The following AP4M1 variants were observed in gnomAD, a reference collection of about 807,000 sequenced individuals.
AP4M1 encodes the protein AP-4 complex subunit mu-1.
In AP4M1, 58 loss-of-function variants were observed where a neutral mutation model predicts 62.4. The ratio of observed to expected loss-of-function variants is 0.93; its 90% CI spans 0.75 to 1.16. AP4M1 has a LOEUF of 1.16. Among genes scored for constraint, AP4M1 ranks in the 50% most tolerant of loss-of-function variants. The pLI, the probability that AP4M1 is intolerant of heterozygous loss-of-function variation, is 0.00. For missense variants in AP4M1, 626 were observed against 585.4 expected (o/e 1.07, Z -0.72); for synonymous variants, 290 against 239.7 (o/e 1.21, Z -1.94).
upstream of AP4M1, chr7:100,100,921 A>G: frequency 9.5e-7 from 1 of 1,051,878 alleles, no homozygotes; most frequent in South Asian, 3.6e-5. Context: ...AGCGCGAAGG[A>G]AAGCGGGCAC....
At chr7:100,102,027 G>C (rs770716053) in intron 2 of AP4M1, 59 bp downstream of exon 2, 3 of 1,582,494 alleles carry the variant, frequency 1.9e-6, no homozygotes, top group South Asian at 2.2e-5. Flanking sequence ...GTGGGCGCCA[G>C]CTCCCTCCCA....
chr7:100,105,707 G>C (rs576226677), intron 11 of AP4M1, among the ~76,000 whole-genome samples, 168 bp downstream of exon 11: 1 of 152,208 alleles, frequency 6.6e-6, no homozygotes, highest in South Asian at 2.1e-4. Flanking sequence ...AGCACTTTGG[G>C]AGGCTGAGGC....
chr7:100,108,872 A>C lies in AP4M1; in HGVS notation c.*1990A>C. The stretch of plus-strand genomic sequence containing the variant: ...AACCTCATCTCCACTAAAAATACAA[A>C]AACTAGCCAGGCATGGTGGCACGCA... On this transcript the variant is annotated 3_prime_UTR_variant, in exon 15 of 15. Transcript: ENST00000359593. The C allele has an allele frequency of 4.9e-6, 1 of 202,076 alleles. No homozygotes were observed. Among genetic ancestry groups the C allele is most frequent in the Non-Finnish European group, 1.0e-5 (1 of 99,724 alleles). 12.5% of individuals were successfully genotyped at this position (202,076 alleles called of 1,614,324 possible).
At chr7:100,100,882 G>T (rs1234179558), upstream of AP4M1, 5 of 1,051,988 alleles carry the variant, frequency 4.8e-6, no homozygotes, top group African/African-American at 3.4e-5. Context: ...CGCGCCTGGG[G>T]AGGGCGCGGG....
upstream of AP4M1, chr7:100,101,642 T>C (rs1048568919): frequency 9.6e-6 from 14 of 1,457,798 alleles, no homozygotes; most frequent in African/African-American, 2.0e-4. Flanking sequence ...GCACACGCGT[T>C]CTTTTGTTCC....
At chr7:100,106,063 C>T (rs1011647161) in intron 12 of AP4M1, 60 bp downstream of exon 12, 6 of 1,593,522 alleles carry the variant, frequency 3.8e-6, no homozygotes, top group Admixed American at 3.3e-5. Flanking sequence ...AGGGCCAGGG[C>T]ACCTGCTGCT....
At chr7:100,101,797 A>C (rs770385161) in intron 1 of AP4M1, 25 bp downstream of exon 1, 1 of 1,226,630 alleles carries the variant, frequency 8.2e-7, no homozygotes, top group East Asian at 2.8e-5. Context: ...TGGGGCTGGG[A>C]AGGGGCGGAG....
In AP4M1 at chr7:100,104,077, C is replaced by T. The variant is rs1456329778; in HGVS notation, c.544-15C>T. 6.2e-7 allele frequency: 1 copy of T among 1,613,316 alleles called. No individual in the cohort carries two copies. Among genetic ancestry groups the T allele is most frequent in the Non-Finnish European group, 8.5e-7 (1 of 1,179,408 alleles). Reference sequence around the variant, plus strand: ...TATTCTGCTTCCAACCACCCAAATTCTCTCTCTTTCTCAGAGCCAAAAGAA... The same window carrying T: ...TATTCTGCTTCCAACCACCCAAATTTTCTCTCTTTCTCAGAGCCAAAAGAA... On this transcript the variant is annotated splice_polypyrimidine_tract_variant and intron_variant, in intron 6 of 14. Transcript: ENST00000359593.
Position 100,108,342 on chromosome 7 carries a change from T to G in AP4M1, c.*1460T>G. ...GGGGTTCTCCTCTGCTTCCTCCTATTCCTCCTCCCCACCCGGCCACGGACC... is the reference window on the plus strand; with the variant it reads ...GGGGTTCTCCTCTGCTTCCTCCTATGCCTCCTCCCCACCCGGCCACGGACC... On this transcript the variant is annotated 3_prime_UTR_variant, in exon 15 of 15. Coordinates refer to ENST00000359593, the MANE Select transcript of AP4M1 (RefSeq NM_004722.4). 6.3e-7 allele frequency: 1 copy of G among 1,582,722 alleles called. No homozygotes were observed. Among genetic ancestry groups the G allele is most frequent in the Non-Finnish European group, 8.6e-7 (1 of 1,161,802 alleles).
chr7:100,107,835 G>C lies in AP4M1; in HGVS notation c.*953G>C. On this transcript the variant is annotated 3_prime_UTR_variant, in exon 15 of 15. Transcript: ENST00000359593. Reference sequence around the variant, plus strand: ...CTTCCAGCTCTTGACTTGGGGCCCAGAGGGGACTGTGCTCTACTCCTGGGC... The same window carrying C: ...CTTCCAGCTCTTGACTTGGGGCCCACAGGGGACTGTGCTCTACTCCTGGGC... 6.8e-7 allele frequency: 1 copy of C among 1,479,148 alleles called. No individual in the cohort carries two copies. The highest frequency in any genetic ancestry group is 2.3e-5 in the East Asian group (1 of 43,222). The allele number at this position is 1,479,148 out of a possible 1,614,324, so 91.6% of individuals were successfully genotyped here.
At chr7:100,104,839 A>T (rs548733667) in intron 7 of AP4M1, 35 bp from the exon 8 acceptor site, 45 of 1,613,446 alleles carry the variant, frequency 2.8e-5, no homozygotes, top group Admixed American at 1.7e-4. Flanking sequence ...AAAGAAAGAA[A>T]AAAAGACTCT....
At chr7:100,106,573 A>AC in intron 14 of AP4M1, 59 bp downstream of exon 14, 13 of 503,010 alleles carry the variant, frequency 2.6e-5, no homozygotes, top group South Asian at 1.6e-4. Context: ...CCCCCACCCC[A>AC]CCCTCCCGAA....
chr7:100,107,136 A>G lies in AP4M1; in HGVS notation c.*254A>G, dbSNP rs964773515. The G allele has an allele frequency of 1.0e-5, 15 of 1,439,560 alleles. No individual in the cohort carries two copies. The highest frequency in any genetic ancestry group is 2.8e-5 in the South Asian group (2 of 71,658). 89.2% of individuals were successfully genotyped at this position (1,439,560 alleles called of 1,614,324 possible). A position where few individuals can be genotyped will look rare whatever the true frequency, so the allele number is the denominator to read the frequency against. On this transcript the variant is annotated 3_prime_UTR_variant, in exon 15 of 15. Transcript: ENST00000359593. ...GTACAATATCTAAAAAGAAAGTGAC[A>G]TGAAGGAAGCAATCTACAACTTCCT... is the stretch of plus-strand genomic sequence containing the variant.
rs536564609 is a variant in AP4M1, at chr7:100,106,178, A to G, written c.975-63A>G. Reference sequence around the variant, plus strand: ...GTGCTGAAATCCTGTTATGACATTGAAGAGGAACAGGACAAGGGACTGTGC... The same window carrying G: ...GTGCTGAAATCCTGTTATGACATTGGAGAGGAACAGGACAAGGGACTGTGC... On this transcript the variant is annotated intron_variant, in intron 12 of 14. Coordinates refer to ENST00000359593, the MANE Select transcript of AP4M1 (RefSeq NM_004722.4). 4 of 1,590,688 alleles carry G rather than the reference A, an allele frequency of 2.5e-6. No individual in the cohort carries two copies. The South Asian group carries it at 4.4e-5, about 18-fold the overall frequency.
chr7:100,106,376 C>T, intron 13 of AP4M1, 27 bp from the exon 14 acceptor site: 2 of 1,611,568 alleles, frequency 1.2e-6, no homozygotes, highest in African/African-American at 2.7e-5. Context: ...GGTGCCAAGC[C>T]CAGCACCTTC....
chr7:100,104,773 G>C (rs1796323781), intron 7 of AP4M1, 101 bp from the exon 8 acceptor site: 10 of 1,339,026 alleles, frequency 7.5e-6, no homozygotes, highest in Non-Finnish European at 9.6e-6. Flanking sequence ...GGAGGTTGCA[G>C]TGAGCCGAGA....
At position 100,107,570 on chromosome 7, in the gene AP4M1, G is replaced by A. The variant is rs138356641; in HGVS notation, c.*688G>A. ...GCACGCTGGGGACGGTGGTGGTGAC[G>A]GGCGAAGTGGTGGTGGAACCTGAGC... is the stretch of plus-strand genomic sequence containing the variant. On this transcript the variant is annotated 3_prime_UTR_variant, in exon 15 of 15. Transcript: ENST00000359593. 73 of 1,613,800 alleles carry A rather than the reference G, an allele frequency of 4.5e-5. No homozygotes were observed. The highest frequency in any genetic ancestry group is 6.7e-5 in the East Asian group (3 of 44,896).
At position 100,107,879 on chromosome 7, in the gene AP4M1, G is replaced by A. The variant is rs745842355; in HGVS notation, c.*997G>A. 4.7e-5 allele frequency: 73 copies of A among 1,563,384 alleles called. No homozygotes were observed. Among genetic ancestry groups the A allele is most frequent in the Non-Finnish European group, 6.2e-5 (71 of 1,151,474 alleles). The stretch of plus-strand genomic sequence containing the variant: ...CCTGGGCCTCCCCAGGGTGCTCTGA[G>A]GTAACCCAGGCCCTCCAGATGCTCC... On this transcript the variant is annotated 3_prime_UTR_variant, in exon 15 of 15. Coordinates refer to ENST00000359593, the MANE Select transcript of AP4M1 (RefSeq NM_004722.4).
Position 100,104,095 on chromosome 7 carries a change from C to G in AP4M1, c.547C>G (p.Gln183Glu). ...PVLSSRSDQS[Q>E]KNEVFLDVVE... Reference sequence around the variant, plus strand: ...CCAAATTCTCTCTCTTTCTCAGAGCCAAAAGAATGAAGTTTTTTTGGATGT... The same window carrying G: ...CCAAATTCTCTCTCTTTCTCAGAGCGAAAAGAATGAAGTTTTTTTGGATGT... The change falls in exon 7 of 15, where the codon CAA becomes GAA. Residue 183 changes from glutamine (Q) to glutamate (E), a missense_variant. Physicochemically the swap from Gln to Glu is conservative, Grantham distance 29 (BLOSUM62 2). Coordinates refer to ENST00000359593, the MANE Select transcript of AP4M1 (RefSeq NM_004722.4). 1.2e-6 allele frequency: 2 copies of G among 1,613,914 alleles called. No individual in the cohort carries two copies. Among genetic ancestry groups the G allele is most frequent in the Non-Finnish European group, 1.7e-6 (2 of 1,179,946 alleles).
Sources: allele counts gnomAD v4.1 joint callset (sites outside exome capture counted in the v4.1 genomes callset), GRCh38; gene constraint gnomAD v4.1.1; transcripts MANE v1.5; gene names NCBI Gene and HGNC (gene_info 2026-07-23, HGNC 2026-07-21).